SEL1L: variants seen among roughly 807,000 people sequenced by gnomAD.
SEL1L encodes SEL1L adaptor subunit of SYVN1 ubiquitin ligase, also known as protein sel-1 homolog 1.
SEL1L carries 52 observed loss-of-function variants against 109.8 expected under a neutral mutation model. That is an observed-to-expected ratio of 0.47 (90% CI 0.38 to 0.60). The LOEUF (loss-of-function observed/expected upper bound fraction) is 0.60. Among genes scored for constraint, SEL1L ranks in the 20% least tolerant of loss-of-function variants. The pLI is 0.00. For missense variants in SEL1L, 749 were observed against 962.2 expected (o/e 0.78, Z 2.93); for synonymous variants, 373 against 339.6 (o/e 1.10, Z -1.08).
intron 1 of SEL1L, among the ~76,000 whole-genome samples, chr14:81,528,266 T>C (rs969719549): frequency 6.6e-6 from 1 of 152,162 alleles, no homozygotes; most frequent in Admixed American, 6.5e-5. Flanking sequence ...AAAACAATTA[T>C]ATTTAGGATT....
chr14:81,498,412 C>T lies in SEL1L; in HGVS notation c.973+1G>A, dbSNP rs1403169986. ...AAAGGTAAAAGGGGAAACATAGATA[C>T]CATGATTGGCAACAAGACGATAGTG... On this transcript the variant is annotated splice_donor_variant, in intron 9 of 20. Coordinates refer to ENST00000336735, the MANE Select transcript of SEL1L (RefSeq NM_005065.6). LOFTEE classifies it high-confidence loss of function. 1.2e-6 allele frequency: 2 copies of T among 1,610,360 alleles called. No individual in the cohort carries two copies. Among genetic ancestry groups the T allele is most frequent in the Non-Finnish European group, 8.5e-7 (1 of 1,177,762 alleles).
chr14:81,502,652 G>C lies in SEL1L; in HGVS notation c.777+69C>G, dbSNP rs1015440378. The C allele has an allele frequency of 1.6e-5, 24 of 1,462,732 alleles. No individual in the cohort carries two copies. In the African/African-American group the frequency reaches 1.7e-4, roughly 10 times the overall value. 90.6% of individuals were successfully genotyped at this position (1,462,732 alleles called of 1,614,324 possible). A position where few individuals can be genotyped will look rare whatever the true frequency, so the allele number is the denominator to read the frequency against. On this transcript the variant is annotated intron_variant, in intron 6 of 20. Coordinates refer to ENST00000336735, the MANE Select transcript of SEL1L (RefSeq NM_005065.6). Reference sequence around the variant, plus strand: ...ACTTTTTAAAAGAAGTCAGGACATAGAGAGTAAACTGCTTTTAAAACTAAC... The same window carrying C: ...ACTTTTTAAAAGAAGTCAGGACATACAGAGTAAACTGCTTTTAAAACTAAC...
chr14:81,511,033 T>C (rs1448851868), intron 3 of SEL1L, among the ~76,000 whole-genome samples: 1 of 152,226 alleles, frequency 6.6e-6, no homozygotes, highest in Non-Finnish European at 1.5e-5. Flanking sequence ...TATTTTACTG[T>C]TGTCTGGGAA....
In SEL1L at chr14:81,502,889, A is replaced by T. The variant is rs1211794377; in HGVS notation, c.615-6T>A. The stretch of plus-strand genomic sequence containing the variant: ...TTTGGAGATACCGATATGCTCTTCA[A>T]ATGTAAACAATTAAAAACCAAATTA... On this transcript the variant is annotated splice_polypyrimidine_tract_variant and splice_region_variant and intron_variant, in intron 5 of 20. Coordinates refer to ENST00000336735, the MANE Select transcript of SEL1L (RefSeq NM_005065.6). 6.3e-7 allele frequency: 1 copy of T among 1,578,546 alleles called. No homozygotes were observed. Among genetic ancestry groups the T allele is most frequent in the Non-Finnish European group, 8.6e-7 (1 of 1,161,448 alleles).
chr14:81,485,833 G>GAAGCATA, intron 17 of SEL1L, 87 bp from the exon 18 acceptor site: 1 of 1,037,204 alleles, frequency 9.6e-7, no homozygotes. Flanking sequence ...AAGGATAGGT[G>GAAGCATA]AAGCATAAGT....
chr14:81,531,157 T>C (rs921348234), intron 1 of SEL1L, among the ~76,000 whole-genome samples: 1 of 152,238 alleles, frequency 6.6e-6, no homozygotes, highest in Non-Finnish European at 1.5e-5. Context: ...TGTGCTACCA[T>C]GTTCCAATGG....
intron 3 of SEL1L, among the ~76,000 whole-genome samples, chr14:81,522,582 C>G (rs187190714): frequency 6.6e-6 from 1 of 152,108 alleles, no homozygotes; most frequent in Non-Finnish European, 1.5e-5. Context: ...TAGCTAGGTT[C>G]GTGTAAGTAC....
intron 8 of SEL1L, chr14:81,498,973 TA>T: frequency 5.1e-6 from 2 of 389,718 alleles, no homozygotes; most frequent in African/African-American, 2.2e-5. Flanking sequence ...TCATGAAAAG[TA>T]AAAAACAGAA....
At chr14:81,502,572 C>A in intron 6 of SEL1L, 149 bp downstream of exon 6, 1 of 747,970 alleles carries the variant, frequency 1.3e-6, no homozygotes, top group Non-Finnish European at 2.2e-6. Flanking sequence ...AAAAGACTAT[C>A]CAAGAAGACT....
At chr14:81,526,586 C>A in intron 3 of SEL1L, 147 bp downstream of exon 3, 1 of 648,070 alleles carries the variant, frequency 1.5e-6, no homozygotes, top group Non-Finnish European at 2.6e-6. Flanking sequence ...ATATTAAAAT[C>A]TAGAAATTCT....
intron 3 of SEL1L, among the ~76,000 whole-genome samples, chr14:81,519,951 A>T (rs944951858): frequency 6.6e-6 from 1 of 152,188 alleles, no homozygotes; most frequent in East Asian, 1.9e-4. Flanking sequence ...GGCTCTGTGA[A>T]TCATGCTAAG....
intron 3 of SEL1L, among the ~76,000 whole-genome samples, chr14:81,523,647 C>T (rs1279958045): frequency 1.3e-5 from 2 of 152,104 alleles, no homozygotes; most frequent in East Asian, 1.9e-4. Flanking sequence ...ACAGACAACC[C>T]GGGGCTTATG....
At chr14:81,482,205 TAC>T (rs1595502555) in intron 19 of SEL1L, among the ~76,000 whole-genome samples, 1 of 152,194 alleles carries the variant, frequency 6.6e-6, no homozygotes, top group African/African-American at 2.4e-5. Context: ...TTATTAGCTA[TAC>T]AGTGTATTAC....
intron 11 of SEL1L, among the ~76,000 whole-genome samples, chr14:81,494,246 T>C (rs1275603137): frequency 6.6e-6 from 1 of 151,832 alleles, no homozygotes; most frequent in African/African-American, 2.4e-5. Flanking sequence ...CCTTCACTTA[T>C]ATCCCATCCA....
intron 15 of SEL1L, 89 bp downstream of exon 15, chr14:81,487,766 G>C: frequency 6.4e-7 from 1 of 1,563,680 alleles, no homozygotes; most frequent in Non-Finnish European, 8.6e-7. Flanking sequence ...GAATTTGATA[G>C]CACCCATTTC....
chr14:81,479,445 T>A, intron 20 of SEL1L, 167 bp downstream of exon 20: 2 of 493,010 alleles, frequency 4.1e-6, no homozygotes, highest in Middle Eastern at 3.9e-4. Context: ...TGCCTGCATT[T>A]ATCCCTCCCC....
At chr14:81,499,570 T>C in intron 7 of SEL1L, 39 bp downstream of exon 7, 1 of 1,608,910 alleles carries the variant, frequency 6.2e-7, no homozygotes, top group Non-Finnish European at 8.5e-7. Flanking sequence ...ATTTATTCAA[T>C]TCAAATTGTA....
At chr14:81,507,619 A>C (rs1884292157) in intron 3 of SEL1L, among the ~76,000 whole-genome samples, 1 of 151,784 alleles carries the variant, frequency 6.6e-6, no homozygotes, top group Non-Finnish European at 1.5e-5. Context: ...CAGCAAAAAC[A>C]AAAAATAAGT....
intron 14 of SEL1L, chr14:81,489,000 G>A (rs1011229197): frequency 3.7e-5 from 19 of 508,988 alleles, no homozygotes; most frequent in Non-Finnish European, 6.2e-5. Flanking sequence ...GTAGAGAGCA[G>A]AGATGGAAGA....
Sources: gnomAD v4.1 joint callset for allele counts (sites outside exome capture counted in the v4.1 genomes callset) on GRCh38, gnomAD v4.1.1 for gene constraint, MANE v1.5 for transcripts, NCBI Gene and HGNC (gene_info 2026-07-23, HGNC 2026-07-21) for gene names.